Variants in SPINDOC observed in about 807,000 individuals in gnomAD.
SPINDOC encodes the protein spindlin interactor and repressor of chromatin binding, also known as spindlin interactor and repressor of chromatin-binding protein.
In SPINDOC, 13 loss-of-function variants were observed where a neutral mutation model predicts 30.7. The observed-to-expected ratio is 0.42, with a 90% CI of 0.28 to 0.67. The LOEUF (loss-of-function observed/expected upper bound fraction) is 0.67, where lower values mean the gene tolerates loss of function less well. Among genes scored for constraint, SPINDOC ranks in the 30% least tolerant of loss-of-function variants. The probability of loss-of-function intolerance (pLI) is 0.22; values close to 1 mark genes in which losing one functional copy is unlikely to be tolerated. For synonymous variants in SPINDOC, 228 were observed against 211.4 expected, an observed-to-expected ratio of 1.08 and a Z score of -0.68; for missense variants, 438 against 518.0, an observed-to-expected ratio of 0.85 and a Z score of 1.50.
intron 5 of SPINDOC, among the ~76,000 whole-genome samples, chr11:63,820,342 G>A (rs1259640791): frequency 6.7e-6 from 1 of 148,476 alleles, no homozygotes; most frequent in Non-Finnish European, 1.5e-5. Flanking sequence ...AAGTTGCAGT[G>A]AGCCGAGATT....
At chr11:63,819,371 C>T (rs140639048) in intron 5 of SPINDOC, among the ~76,000 whole-genome samples, 3,678 of 151,928 alleles carry the variant, frequency 0.024, 95 homozygotes, top group African/African-American at 0.078. Flanking sequence ...CCACCATACC[C>T]GGCTAATTTT....
chr11:63,813,731 G>T lies in SPINDOC; in HGVS notation c.45G>T (p.Val15=). The change falls in exon 1 of 6, where the codon GTG becomes GTT. Residue 15 remains valine, a synonymous_variant. Transcript: ENST00000294244. ...AEGAALDCFE[V]TLKCEEGEDE... ...GCGCCGCACTCGACTGCTTCGAGGT[G>T]ACGCTGAAATGCGAGGAAGGGGAGG... 3 of 1,596,358 alleles carry T rather than the reference G, an allele frequency of 1.9e-6. No individual in the cohort carries two copies. Among genetic ancestry groups the T allele is most frequent in the Non-Finnish European group, 2.6e-6 (3 of 1,173,180 alleles).
chr11:63,823,244 G>C, intron 5 of SPINDOC: 1 of 1,284,564 alleles, frequency 7.8e-7, no homozygotes, highest in South Asian at 1.2e-5. Flanking sequence ...CGAACCCAAA[G>C]CTTGGACAGA....
chr11:63,823,209 G>A (rs574480332), intron 5 of SPINDOC: 2 of 1,289,000 alleles, frequency 1.6e-6, no homozygotes, highest in Admixed American at 4.6e-5. Flanking sequence ...CAGAGGCTCT[G>A]GACCTGTGGT....
intron 5 of SPINDOC, among the ~76,000 whole-genome samples, chr11:63,825,879 T>A (rs2015643418): frequency 6.6e-6 from 1 of 152,000 alleles, no homozygotes; most frequent in Admixed American, 6.6e-5. Context: ...AATAAATCCT[T>A]CCCAATATAG....
At position 63,827,186 on chromosome 11, in the gene SPINDOC, C is replaced by T. The variant is rs755068036; in HGVS notation, c.*47C>T. 3 of 1,597,708 alleles carry T rather than the reference C, an allele frequency of 1.9e-6. No individual in the cohort carries two copies. Among genetic ancestry groups the T allele is most frequent in the Non-Finnish European group, 2.6e-6 (3 of 1,172,536 alleles). Reference sequence around the variant, plus strand: ...GAGGGAGGGATGAGGCAGCGTCCCCCAGTGGCTTATAACTCAGAGCTGCCT... The same window carrying T: ...GAGGGAGGGATGAGGCAGCGTCCCCTAGTGGCTTATAACTCAGAGCTGCCT... On this transcript the variant is annotated 3_prime_UTR_variant, in exon 6 of 6. Coordinates refer to ENST00000294244, the MANE Select transcript of SPINDOC (RefSeq NM_138471.3).
rs1412263663 is a variant in SPINDOC, at chr11:63,818,377, G to C, written c.607+12G>C. The C allele has an allele frequency of 1.9e-6, 3 of 1,613,130 alleles. No individual in the cohort carries two copies. The highest frequency in any genetic ancestry group is 1.7e-5 in the Admixed American group (1 of 59,986). On this transcript the variant is annotated intron_variant, in intron 3 of 5. Transcript: ENST00000294244. This position sits in a 1 kb window ranked among gnomAD's most constrained non-coding sequence, Gnocchi z 5.3. Reference sequence around the variant, plus strand: ...CCTCGAGCTTCCTGGTTAGTCAACAGAGAAGCCAGTGAGCCCCGGTGGAGG... The same window carrying C: ...CCTCGAGCTTCCTGGTTAGTCAACACAGAAGCCAGTGAGCCCCGGTGGAGG...
chr11:63,820,425 C>T (rs1240716754), intron 5 of SPINDOC, among the ~76,000 whole-genome samples: 1 of 148,582 alleles, frequency 6.7e-6, no homozygotes, highest in East Asian at 2.0e-4. Flanking sequence ...AAGAAGCTTA[C>T]ATACAGTTTA....
chr11:63,818,594 A>T lies in SPINDOC; in HGVS notation c.675A>T (p.Glu225Asp). 2.5e-6 allele frequency: 4 copies of T among 1,613,748 alleles called. No individual in the cohort carries two copies. Among genetic ancestry groups the T allele is most frequent in the Non-Finnish European group, 3.4e-6 (4 of 1,180,012 alleles). Reference sequence around the variant, plus strand: ...AGAGATGGAAGGAACCCCCAGGGGAAGAGCCAGTCAGAAAGAAAAGAGGCA... The same window carrying T: ...AGAGATGGAAGGAACCCCCAGGGGATGAGCCAGTCAGAAAGAAAAGAGGCA... Reference protein sequence around the residue: ...RGQRWKEPPGEEPVRKKRGRP... With the variant: ...RGQRWKEPPGDEPVRKKRGRP... The change falls in exon 4 of 6, where the codon GAA (glutamate) becomes GAT (aspartate). Residue 225 changes from glutamate to aspartate, a missense_variant. Glu to Asp is a conservative substitution (Grantham distance 45). This residue lies in a region of SPINDOC where 300 missense variants were observed against 332.8 expected (regional missense o/e 0.90). Coordinates refer to ENST00000294244, the MANE Select transcript of SPINDOC (RefSeq NM_138471.3). The surrounding 1 kb of genome is among the most constrained non-coding windows in gnomAD (Gnocchi z 5.3).
rs761355476 is a variant in SPINDOC at position 63,818,489 on chromosome 11, G to T, written c.608-38G>T. ...CCTGGGGTGGCAGGGTTCGGGGATG[G>T]CCTCTTTAAAAGGGTATGAGGTCTT... On this transcript the variant is annotated intron_variant, in intron 3 of 5. Coordinates refer to ENST00000294244, the MANE Select transcript of SPINDOC (RefSeq NM_138471.3). The surrounding 1 kb of genome is among the most constrained non-coding windows in gnomAD (Gnocchi z 5.3). The T allele has an allele frequency of 6.2e-7, 1 of 1,606,720 alleles. No homozygotes were observed. Among genetic ancestry groups the T allele is most frequent in the Non-Finnish European group, 8.5e-7 (1 of 1,178,850 alleles).
Position 63,813,541 on chromosome 11 carries a change from CGGCG to C in SPINDOC, c.-136_-133del, listed in dbSNP as rs1044648950. On this transcript the variant is annotated 5_prime_UTR_variant, in exon 1 of 6. Coordinates refer to ENST00000294244, the MANE Select transcript of SPINDOC (RefSeq NM_138471.3). ...GCCGGTCGCAGGCCCGGCCGGCGAGCGGCGGGCGGGCGGCGGGGAGGGGGCTGCG... is the reference window on the plus strand; with the variant it reads ...GCCGGTCGCAGGCCCGGCCGGCGAGCGGCGGGCGGCGGGGAGGGGGCTGCG... 5.1e-5 allele frequency: 32 copies of C among 624,252 alleles called. No individual in the cohort carries two copies. Among genetic ancestry groups the C allele is most frequent in the Admixed American group, 2.6e-4 (4 of 15,392 alleles). The allele number at this position is 624,252 out of a possible 1,614,324, so 38.7% of individuals were successfully genotyped here.
intron 5 of SPINDOC, among the ~76,000 whole-genome samples, chr11:63,820,746 C>T (rs1195276237): frequency 2.6e-5 from 4 of 151,146 alleles, no homozygotes; most frequent in South Asian, 2.1e-4. Context: ...AAAAATTAGC[C>T]GGGCATGGTG....
intron 5 of SPINDOC, among the ~76,000 whole-genome samples, chr11:63,821,271 A>C (rs983119147): frequency 1.3e-5 from 2 of 152,014 alleles, no homozygotes; most frequent in Admixed American, 6.6e-5. Flanking sequence ...TGGCTAGTAG[A>C]GTCTTTCTCA....
Position 63,818,336 on chromosome 11 carries a change from C to T in SPINDOC, c.578C>T (p.Pro193Leu). The change falls in exon 3 of 6, where the codon CCC becomes CTC. Residue 193 changes from proline (P) to leucine (L), a missense_variant. Physicochemically the swap from Pro to Leu is moderately conservative, Grantham distance 98. This residue lies in a region of SPINDOC where 300 missense variants were observed against 332.8 expected (regional missense o/e 0.90). Transcript: ENST00000294244. The surrounding 1 kb of genome is among the most constrained non-coding windows in gnomAD (Gnocchi z 5.3). ...DNPSLPKRSR[P>L]RGLRPLELPA... ...CCATCCCTCCCTAAAAGGAGCCGGC[C>T]CAGGGGACTCCGCCCCCTCGAGCTT... The T allele has an allele frequency of 6.2e-7, 1 of 1,613,982 alleles. No individual in the cohort carries two copies.
Position 63,813,681 on chromosome 11 carries a change from C to T in SPINDOC, c.-6C>T, listed in dbSNP as rs1309678933. 2.6e-6 allele frequency: 4 copies of T among 1,557,056 alleles called. No homozygotes were observed. The African/African-American group carries it at 4.2e-5, about 16-fold the overall frequency. The stretch of plus-strand genomic sequence containing the variant: ...TCCGGCCACTGCTATCGCCCACGGC[C>T]GCACCATGGCCCTAAAGGCCGAGGG... On this transcript the variant is annotated 5_prime_UTR_variant, in exon 1 of 6. Transcript: ENST00000294244.
At chr11:63,815,860 C>T (rs1031068099) in intron 1 of SPINDOC, among the ~76,000 whole-genome samples, 10 of 152,154 alleles carry the variant, frequency 6.6e-5, no homozygotes, top group East Asian at 5.8e-4. Context: ...CTTCGCCTCC[C>T]GGGTTCAAGT....
chr11:63,824,951 G>T (rs894624355), intron 5 of SPINDOC, among the ~76,000 whole-genome samples: 1 of 152,016 alleles, frequency 6.6e-6, no homozygotes, highest in Non-Finnish European at 1.5e-5. Flanking sequence ...TCCAGCAGCC[G>T]ATCCTCCAAA....
chr11:63,813,880 A>C (rs1414979002), intron 1 of SPINDOC, 67 bp downstream of exon 1: 1 of 1,416,068 alleles, frequency 7.1e-7, no homozygotes, highest in African/African-American at 1.5e-5. Flanking sequence ...GTCCCTCCCC[A>C]GTCGGGGTCC....
intron 5 of SPINDOC, among the ~76,000 whole-genome samples, chr11:63,819,536 G>A (rs942122615): frequency 8.0e-5 from 12 of 150,774 alleles, no homozygotes; most frequent in Non-Finnish European, 1.5e-4. Flanking sequence ...TTGCTCTGTC[G>A]CCCAGGCTGG....
Sources: allele counts gnomAD v4.1 joint callset (sites outside exome capture counted in the v4.1 genomes callset), GRCh38; gene constraint gnomAD v4.1.1; regional missense constraint gnomAD v4.1.1; non-coding constraint Gnocchi (gnomAD v3.1); transcripts MANE v1.5; gene names NCBI Gene and HGNC (gene_info 2026-07-23, HGNC 2026-07-21).